The following GNAQ variants were observed in gnomAD, a reference collection of about 807,000 sequenced individuals.
GNAQ encodes the protein guanine nucleotide-binding protein G(q) subunit alpha.
In GNAQ, 8 loss-of-function variants were observed where a neutral mutation model predicts 43.9. That is an observed-to-expected ratio of 0.18 (90% confidence interval 0.11 to 0.33). GNAQ has a LOEUF of 0.33. Ranked by LOEUF, GNAQ falls within the 10% of genes least tolerant of loss-of-function variation. The pLI is 1.00. For missense variants in GNAQ, 158 were observed against 450.8 expected, an observed-to-expected ratio of 0.35 and a Z score of 5.88; for synonymous variants, 155 against 170.7, an observed-to-expected ratio of 0.91 and a Z score of 0.71.
At chr9:77,953,700 T>C (rs764851805) in intron 1 of GNAQ, among the ~76,000 whole-genome samples, 18 of 152,226 alleles carry the variant, frequency 1.2e-4, no homozygotes, top group Non-Finnish European at 2.2e-4. Context: ...CTGTGACTGC[T>C]GTGTTAAGTA....
intron 1 of GNAQ, among the ~76,000 whole-genome samples, chr9:77,972,953 CAAA>C (rs11356658): frequency 4.8e-5 from 3 of 62,520 alleles, no homozygotes; most frequent in Admixed American, 1.9e-4. Flanking sequence ...GACTCCATCT[CAAA>C]AAAAAAAAAA....
chr9:77,901,396 C>T (rs1406328339), intron 2 of GNAQ, among the ~76,000 whole-genome samples: 4 of 152,186 alleles, frequency 2.6e-5, no homozygotes, highest in Non-Finnish European at 5.9e-5. Flanking sequence ...AATTACTCAA[C>T]TTTCCTGGGA....
intron 5 of GNAQ, among the ~76,000 whole-genome samples, chr9:77,748,276 C>G (rs567089508): frequency 3.9e-5 from 6 of 152,272 alleles, no homozygotes; most frequent in Admixed American, 3.3e-4. Context: ...TTTTGAAAAG[C>G]TGTCATTTCA....
intron 1 of GNAQ, among the ~76,000 whole-genome samples, chr9:77,960,253 A>T (rs1050045021): frequency 1.8e-4 from 27 of 152,152 alleles, no homozygotes; most frequent in Non-Finnish European, 4.4e-5. Flanking sequence ...AAAGTAAGAA[A>T]TTGACAAAAG....
chr9:77,732,030 T>C (rs540592904), intron 5 of GNAQ, among the ~76,000 whole-genome samples: 4 of 152,128 alleles, frequency 2.6e-5, no homozygotes, highest in Non-Finnish European at 4.4e-5. Context: ...AAATCCTAAA[T>C]GGACTAAATG....
intron 5 of GNAQ, among the ~76,000 whole-genome samples, chr9:77,733,117 C>T (rs1246300304): frequency 6.6e-6 from 1 of 152,120 alleles, no homozygotes; most frequent in African/African-American, 2.4e-5. Flanking sequence ...AACATTCACT[C>T]CAATCCTTGG....
rs200138154 is a variant in GNAQ at position 77,866,177 on chromosome 9, T to TA, written c.322-50408dup. On this transcript the variant is annotated intron_variant, in intron 2 of 6. Transcript: ENST00000286548. ...GGTAGAATAAAGTTGGGCAGTGATT[T>TA]AAAAAAAACAAAAATTTAGGCCGGG... 4.3e-3 allele frequency among the ~76,000 whole-genome samples: 653 copies of TA among 152,000 alleles called. 8 individuals are homozygous for TA. The highest frequency in any genetic ancestry group is 0.016 in the Admixed American group (244 of 15,252).
chr9:77,916,241 T>C (rs1828902159), intron 2 of GNAQ, among the ~76,000 whole-genome samples: 1 of 152,236 alleles, frequency 6.6e-6, no homozygotes, highest in Non-Finnish European at 1.5e-5. Flanking sequence ...GAACCTTGAC[T>C]GATAGAGCTC....
At chr9:77,966,613 G>T (rs1823170423) in intron 1 of GNAQ, among the ~76,000 whole-genome samples, 1 of 151,942 alleles carries the variant, frequency 6.6e-6, no homozygotes, top group Non-Finnish European at 1.5e-5. Flanking sequence ...TTCACCCAGG[G>T]GAAAGTAAAT....
intron 1 of GNAQ, 86 bp from the exon 2 acceptor site, chr9:77,922,431 T>A: frequency 1.1e-6 from 1 of 933,554 alleles, no homozygotes; most frequent in Non-Finnish European, 1.7e-6. Flanking sequence ...GCCTTGGATT[T>A]AACATCCCCA....
At chr9:77,889,769 C>T (rs538112274) in intron 2 of GNAQ, among the ~76,000 whole-genome samples, 58 of 152,238 alleles carry the variant, frequency 3.8e-4, no homozygotes, top group African/African-American at 1.3e-3. Context: ...AATACGTCAC[C>T]GCTTATTTCT....
chr9:77,970,310 T>G (rs1823222248), intron 1 of GNAQ, among the ~76,000 whole-genome samples: 1 of 152,140 alleles, frequency 6.6e-6, no homozygotes, highest in African/African-American at 2.4e-5. Flanking sequence ...CCTGCTCAGT[T>G]CCACATTGCA....
At chr9:77,911,887 T>C (rs955775271) in intron 2 of GNAQ, among the ~76,000 whole-genome samples, 1 of 152,132 alleles carries the variant, frequency 6.6e-6, no homozygotes, top group African/African-American at 2.4e-5. Flanking sequence ...GAAAACCGTA[T>C]TATCAAACTA....
chr9:77,838,980 T>C (rs1041728014), intron 2 of GNAQ, among the ~76,000 whole-genome samples: 7 of 152,122 alleles, frequency 4.6e-5, no homozygotes, highest in Non-Finnish European at 8.8e-5. Context: ...GACCTGACTC[T>C]TCATTAAGAG....
At chr9:77,850,902 C>A (rs1827665815) in intron 2 of GNAQ, among the ~76,000 whole-genome samples, 1 of 152,134 alleles carries the variant, frequency 6.6e-6, no homozygotes, top group South Asian at 2.1e-4. Context: ...CACATCCCCA[C>A]CCCCACATCT....
chr9:77,919,211 T>C (rs545122322), intron 2 of GNAQ, among the ~76,000 whole-genome samples: 13 of 152,292 alleles, frequency 8.5e-5, no homozygotes, highest in African/African-American at 2.6e-4. Flanking sequence ...TGAGTCACCA[T>C]ACCTGGCCAC....
chr9:77,956,034 GATTT>G (rs1345271294), intron 1 of GNAQ, among the ~76,000 whole-genome samples: 3 of 152,074 alleles, frequency 2.0e-5, no homozygotes, highest in East Asian at 1.9e-4. Context: ...AAACATTTTT[GATTT>G]ATTAAGTTTT....
chr9:77,760,059 C>G (rs961926390), intron 5 of GNAQ, among the ~76,000 whole-genome samples: 42 of 100,022 alleles, frequency 4.2e-4, no homozygotes, highest in Non-Finnish European at 4.8e-4. Context: ...CCATGCCTGG[C>G]CTTTTTCTAA....
intron 2 of GNAQ, among the ~76,000 whole-genome samples, chr9:77,821,677 G>C (rs895262037): frequency 6.6e-6 from 1 of 150,742 alleles, no homozygotes; most frequent in African/African-American, 2.4e-5. Context: ...ACTCTCTGAA[G>C]TTCTACTATT....
Sources: allele counts gnomAD v4.1 joint callset (sites outside exome capture counted in the v4.1 genomes callset), GRCh38; gene constraint gnomAD v4.1.1; transcripts MANE v1.5; gene names NCBI Gene and HGNC (gene_info 2026-07-23, HGNC 2026-07-21).